Variants in DLG2 observed in about 807,000 individuals in gnomAD.
DLG2 encodes the protein disks large homolog 2.
A neutral mutation model predicts 132.5 loss-of-function variants in DLG2; 45 were observed. That is an observed-to-expected ratio of 0.34 (90% CI 0.27 to 0.44). DLG2 has a LOEUF of 0.44. DLG2 is among the 20% of genes least tolerant of loss of function. DLG2 has a pLI of 1.00. For synonymous variants in DLG2, 424 were observed against 419.6 expected, an observed-to-expected ratio of 1.01 and a Z score of -0.13; for missense variants, 1,045 against 1,196.9, an observed-to-expected ratio of 0.87 and a Z score of 1.87.
At chr11:83,741,731 G>A (rs1238143316) in intron 18 of DLG2, among the ~76,000 whole-genome samples, 1 of 152,066 alleles carries the variant, frequency 6.6e-6, no homozygotes, top group African/African-American at 2.4e-5. Flanking sequence ...CATACTGGCT[G>A]GGTGCAGTGG....
chr11:84,777,281 G>GTATATATATA (rs71036441), intron 6 of DLG2, among the ~76,000 whole-genome samples: 68 of 94,980 alleles, frequency 7.2e-4, no homozygotes, highest in Non-Finnish European at 7.9e-4. Context: ...ATGTGTGTGT[G>GTATATATATA]TATATATATA....
chr11:83,554,147 G>A (rs2096463874), intron 19 of DLG2, among the ~76,000 whole-genome samples: 1 of 152,026 alleles, frequency 6.6e-6, no homozygotes, highest in African/African-American at 2.4e-5. Context: ...GTCTCCCAAA[G>A]TGCTGGGATT....
intron 7 of DLG2, among the ~76,000 whole-genome samples, chr11:84,280,397 T>C (rs2097841779): frequency 1.3e-5 from 2 of 151,802 alleles, no homozygotes; most frequent in East Asian, 1.9e-4. Context: ...GCCTCCCAAA[T>C]AGCTGGGACT....
chr11:84,675,688 A>C (rs989332368), intron 6 of DLG2, among the ~76,000 whole-genome samples: 1 of 152,052 alleles, frequency 6.6e-6, no homozygotes, highest in African/African-American at 2.4e-5. Context: ...GATAACTGAC[A>C]TTAGACGGGA....
chr11:83,649,725 T>A (rs1308689100), intron 18 of DLG2, among the ~76,000 whole-genome samples: 1 of 152,094 alleles, frequency 6.6e-6, no homozygotes, highest in Non-Finnish European at 1.5e-5. Context: ...TCTGACTAGG[T>A]TCAGCCAATG....
intron 6 of DLG2, among the ~76,000 whole-genome samples, chr11:85,101,493 T>A (rs2070841942): frequency 6.6e-6 from 1 of 152,138 alleles, no homozygotes; most frequent in African/African-American, 2.4e-5. Context: ...TTGTGGGTAT[T>A]AAATAAGTAA....
chr11:85,408,917 T>C (rs1157469751), intron 3 of DLG2, among the ~76,000 whole-genome samples: 1 of 151,946 alleles, frequency 6.6e-6, no homozygotes, highest in African/African-American at 2.4e-5. Flanking sequence ...TACCCAGTAA[T>C]GGGATGGCTG....
intron 6 of DLG2, among the ~76,000 whole-genome samples, chr11:84,846,727 C>G (rs1273662951): frequency 6.6e-6 from 1 of 152,112 alleles, no homozygotes; most frequent in African/African-American, 2.4e-5. Context: ...CTTATTTTAA[C>G]TAATGTAATG....
intron 3 of DLG2, among the ~76,000 whole-genome samples, chr11:85,482,409 G>A (rs2093319604): frequency 6.6e-6 from 1 of 152,092 alleles, no homozygotes; most frequent in Admixed American, 6.6e-5. Context: ...CATGCTCAAG[G>A]CCAGATCCTA....
chr11:85,370,053 G>A (rs2084857236), intron 3 of DLG2, among the ~76,000 whole-genome samples: 1 of 152,160 alleles, frequency 6.6e-6, no homozygotes, highest in Admixed American at 6.5e-5. Flanking sequence ...GTTACAAACT[G>A]GTTTTTGGGT....
intron 9 of DLG2, among the ~76,000 whole-genome samples, chr11:84,144,483 C>T (rs573639291): frequency 3.2e-4 from 49 of 152,090 alleles, no homozygotes; most frequent in Non-Finnish European, 5.0e-4. Context: ...TGCATATCCA[C>T]CACTAATGGA....
At chr11:85,215,218 C>A (rs998647530) in intron 4 of DLG2, among the ~76,000 whole-genome samples, 1 of 152,050 alleles carries the variant, frequency 6.6e-6, no homozygotes, top group African/African-American at 2.4e-5. Flanking sequence ...TGTTATAAGT[C>A]CATTGTGACT....
chr11:85,501,375 T>A (rs984938768), intron 3 of DLG2, among the ~76,000 whole-genome samples: 17 of 152,146 alleles, frequency 1.1e-4, no homozygotes, highest in Non-Finnish European at 2.9e-5. Flanking sequence ...GCTTCATGTC[T>A]AAAACACCAA....
At chr11:83,884,870 A>C (rs1160981610) in intron 15 of DLG2, among the ~76,000 whole-genome samples, 1 of 152,216 alleles carries the variant, frequency 6.6e-6, no homozygotes, top group Non-Finnish European at 1.5e-5. Flanking sequence ...ACTCCAACAG[A>C]CCTGCAGCTG....
intron 7 of DLG2, among the ~76,000 whole-genome samples, chr11:84,395,810 G>T (rs926492925): frequency 2.0e-5 from 3 of 152,158 alleles, no homozygotes; most frequent in African/African-American, 7.2e-5. Context: ...TAAAAGTTTT[G>T]TTCGTTTAAA....
chr11:85,574,424 CAAAA>C (rs781533239), intron 3 of DLG2, among the ~76,000 whole-genome samples: 2 of 116,610 alleles, frequency 1.7e-5, no homozygotes, highest in Non-Finnish European at 3.7e-5. Flanking sequence ...GCTGCTCAGG[CAAAA>C]AAAAAAAAAA....
chr11:83,932,314 A>C (rs2080427067), intron 14 of DLG2, among the ~76,000 whole-genome samples: 2 of 151,868 alleles, frequency 1.3e-5, no homozygotes, highest in East Asian at 3.9e-4. Context: ...GGCTCACTGC[A>C]AACTCCGCCT....
intron 3 of DLG2, among the ~76,000 whole-genome samples, chr11:85,521,878 CAAATCATT>C (rs2074340957): frequency 6.6e-6 from 1 of 151,614 alleles, no homozygotes; most frequent in Non-Finnish European, 1.5e-5. Flanking sequence ...TTCTAAGTGG[CAAATCATT>C]AAAAAGGAAG....
Position 84,255,692 on chromosome 11 carries a change from G to A in DLG2, c.520-4401C>T, listed in dbSNP as rs538741416. ...CCTAAATCAAACTGGTGACTCAGCA[G>A]ATTCTAGTGTCCTTCTTTAATATGC... On this transcript the variant is annotated intron_variant, in intron 7 of 27. Coordinates refer to ENST00000376104, the MANE Select transcript of DLG2 (RefSeq NM_001142699.3). Among the ~76,000 whole-genome samples, 8 of 152,254 alleles carry A rather than the reference G, an allele frequency of 5.3e-5. No homozygotes were observed. In the East Asian group the frequency reaches 1.5e-3, roughly 29 times the overall value.
Sources: allele counts gnomAD v4.1 joint callset (sites outside exome capture counted in the v4.1 genomes callset), GRCh38; gene constraint gnomAD v4.1.1; transcripts MANE v1.5; gene names NCBI Gene and HGNC (gene_info 2026-07-23, HGNC 2026-07-21).